CHIC1: variants seen among roughly 807,000 people sequenced by gnomAD.
CHIC1 encodes cysteine-rich hydrophobic domain-containing protein 1.
In CHIC1, 7 loss-of-function variants were observed where a neutral mutation model predicts 18.5. The ratio of observed to expected loss-of-function variants is 0.38; its 90% CI spans 0.22 to 0.71. The LOEUF is 0.71. Ranked by LOEUF, CHIC1 falls within the 30% of genes least tolerant of loss-of-function variation. The pLI is 0.49. For synonymous variants in CHIC1, 77 were observed against 73.5 expected (o/e 1.05, Z -0.25); for missense variants, 159 against 176.9 (o/e 0.90, Z 0.57).
intron 3 of CHIC1, among the ~76,000 whole-genome samples, chrX:73,677,359 C>G (rs906754643): frequency 2.7e-5 from 3 of 112,251 alleles, no homozygotes; most frequent in Non-Finnish European, 5.6e-5. Context: ...GGCAGGCCTC[C>G]TTGAGCTGTG....
intron 3 of CHIC1, among the ~76,000 whole-genome samples, chrX:73,649,194 AG>A (rs1477095882): frequency 8.9e-6 from 1 of 111,869 alleles, no homozygotes; most frequent in Non-Finnish European, 1.9e-5. Context: ...GAGCTCCTGA[AG>A]GAAGCACTAA....
At chrX:73,579,844 C>A (rs2057518188) in intron 2 of CHIC1, among the ~76,000 whole-genome samples, 1 of 110,298 alleles carries the variant, frequency 9.1e-6, no homozygotes, top group African/African-American at 3.3e-5. Context: ...GGAAATATAT[C>A]TTGAATAATA....
At chrX:73,566,058 A>G (rs960004033) in intron 1 of CHIC1, among the ~76,000 whole-genome samples, 15 of 110,938 alleles carry the variant, frequency 1.4e-4, no homozygotes, top group African/African-American at 4.6e-4. Context: ...CCAGGGTAAC[A>G]TTCAAAACCT....
intron 3 of CHIC1, among the ~76,000 whole-genome samples, chrX:73,585,707 T>C (rs1348965803): frequency 9.0e-6 from 1 of 111,599 alleles, no homozygotes; most frequent in Non-Finnish European, 1.9e-5. Flanking sequence ...GAACAGATTT[T>C]TTTGTTTGTT....
intron 3 of CHIC1, among the ~76,000 whole-genome samples, chrX:73,608,994 A>G (rs1363363790): frequency 7.6e-5 from 8 of 105,952 alleles, no homozygotes; most frequent in Admixed American, 1.0e-4. Flanking sequence ...TCTCTACTAT[A>G]AAATACAAAA....
At chrX:73,657,869 A>T in intron 3 of CHIC1, among the ~76,000 whole-genome samples, 1 of 111,540 alleles carries the variant, frequency 9.0e-6, no homozygotes, top group African/African-American at 3.3e-5. Context: ...GTCTATTGAG[A>T]TAATTATGTA....
At chrX:73,620,221 A>G (rs762112527) in intron 3 of CHIC1, among the ~76,000 whole-genome samples, 1 of 112,264 alleles carries the variant, frequency 8.9e-6, no homozygotes, top group South Asian at 3.8e-4. Context: ...GTGTATACCC[A>G]GTAATGGGAT....
intron 3 of CHIC1, among the ~76,000 whole-genome samples, chrX:73,599,925 G>A (rs1167862960): frequency 1.0e-5 from 1 of 96,952 alleles, no homozygotes; most frequent in African/African-American, 4.5e-5. Flanking sequence ...ACCTTGGGCA[G>A]TATGGCCATT....
intron 3 of CHIC1, among the ~76,000 whole-genome samples, chrX:73,614,821 C>T (rs768385560): frequency 4.3e-4 from 48 of 110,488 alleles, no homozygotes; most frequent in Non-Finnish European, 7.7e-4. Context: ...TATGTCACTG[C>T]GCTTTTTTTT....
intron 3 of CHIC1, among the ~76,000 whole-genome samples, chrX:73,642,755 C>A (rs757139143): frequency 9.1e-6 from 1 of 110,152 alleles, no homozygotes; most frequent in East Asian, 2.8e-4. Context: ...CCAGTTTTCC[C>A]AGCACCATTT....
chrX:73,638,634 A>G (rs1218471903), intron 3 of CHIC1, among the ~76,000 whole-genome samples: 1 of 111,374 alleles, frequency 9.0e-6, no homozygotes, highest in African/African-American at 3.3e-5. Flanking sequence ...CCAGGTAATT[A>G]GCAGAGTACC....
At chrX:73,635,154 T>C (rs2057826191) in intron 3 of CHIC1, among the ~76,000 whole-genome samples, 1 of 111,859 alleles carries the variant, frequency 8.9e-6, no homozygotes, top group Non-Finnish European at 1.9e-5. Context: ...TGTGGTTGTT[T>C]TCATTCATTC....
intron 3 of CHIC1, among the ~76,000 whole-genome samples, 171 bp from the exon 4 acceptor site, chrX:73,679,155 T>C (rs1428846781): frequency 2.7e-5 from 3 of 112,005 alleles, no homozygotes; most frequent in Non-Finnish European, 5.6e-5. Context: ...GTCATCCAAA[T>C]CTTACTCCTT....
At position 73,672,732 on chromosome X, in the gene CHIC1, T is replaced by G. The variant is rs868705552; in HGVS notation, c.508-6594T>G. Among the ~76,000 whole-genome samples, 1,007 of 111,717 alleles carry G rather than the reference T, an allele frequency of 9.0e-3. 6 individuals are homozygous for G. Among genetic ancestry groups the G allele is most frequent in the Middle Eastern group, 0.014 (3 of 219 alleles). On this transcript the variant is annotated intron_variant, in intron 3 of 5. Coordinates refer to ENST00000373502, the MANE Select transcript of CHIC1 (RefSeq NM_001039840.4). ...CTGTAGGTTGCCTGTTCACTCTGATTGTAGTTTCTTTTGCTGTGCAGAAGC... is the reference window on the plus strand; with the variant it reads ...CTGTAGGTTGCCTGTTCACTCTGATGGTAGTTTCTTTTGCTGTGCAGAAGC...
chrX:73,577,314 G>A, intron 1 of CHIC1, 93 bp from the exon 2 acceptor site: 1 of 649,139 alleles, frequency 1.5e-6, no homozygotes. Context: ...AAGGCCAAAA[G>A]AAAAATGCAT....
In CHIC1 at chrX:73,651,296, C is replaced by A. The variant is rs1333295146; in HGVS notation, c.508-28030C>A. ...ATATTGAATGGGCAAAAGCTGGAAA[C>A]ATTTCCTTTGAAAACCGGCACAAGA... On this transcript the variant is annotated intron_variant, in intron 3 of 5. Coordinates refer to ENST00000373502, the MANE Select transcript of CHIC1 (RefSeq NM_001039840.4). 2.7e-5 allele frequency among the ~76,000 whole-genome samples: 3 copies of A among 111,276 alleles called. No individual in the cohort carries two copies. The Admixed American group carries it at 2.9e-4, about 11-fold the overall frequency.
At chrX:73,630,319 A>G (rs1312581597) in intron 3 of CHIC1, among the ~76,000 whole-genome samples, 1 of 111,697 alleles carries the variant, frequency 9.0e-6, no homozygotes, top group Non-Finnish European at 1.9e-5. Context: ...AAGTGTCAAG[A>G]GTAGGCATCC....
intron 1 of CHIC1, among the ~76,000 whole-genome samples, chrX:73,576,101 G>A (rs922979371): frequency 9.2e-5 from 10 of 109,239 alleles, no homozygotes; most frequent in Admixed American, 5.9e-4. Context: ...AAAGTCTTTA[G>A]GGACAATAAT....
intron 3 of CHIC1, among the ~76,000 whole-genome samples, chrX:73,621,128 A>G (rs2057758357): frequency 1.8e-5 from 2 of 111,888 alleles, no homozygotes; most frequent in South Asian, 7.5e-4. Flanking sequence ...GAAGTCAGGT[A>G]GAGTGATGCC....
Sources: allele counts gnomAD v4.1 joint callset (sites outside exome capture counted in the v4.1 genomes callset), GRCh38; gene constraint gnomAD v4.1.1; transcripts MANE v1.5; gene names NCBI Gene and HGNC (gene_info 2026-07-23, HGNC 2026-07-21).